The following BBS9 variants were observed in gnomAD, a reference collection of about 807,000 sequenced individuals.
BBS9 encodes the protein Bardet-Biedl syndrome 9.
A neutral mutation model predicts 117.7 loss-of-function variants in BBS9; 89 were observed. That is an observed-to-expected ratio of 0.76 (90% confidence interval 0.64 to 0.90). The LOEUF (loss-of-function observed/expected upper bound fraction) is 0.90, where lower values mean the gene tolerates loss of function less well. Ranked by LOEUF, BBS9 falls within the 40% of genes least tolerant of loss-of-function variation. BBS9 has a pLI of 0.00. For synonymous variants in BBS9, 379 were observed against 370.9 expected, an observed-to-expected ratio of 1.02 and a Z score of -0.25; for missense variants, 982 against 1,042.2, an observed-to-expected ratio of 0.94 and a Z score of 0.80.
At chr7:33,542,988 T>A (rs943948501) in intron 21 of BBS9, among the ~76,000 whole-genome samples, 15 of 152,140 alleles carry the variant, frequency 9.9e-5, no homozygotes, top group Non-Finnish European at 1.3e-4. Context: ...GTAGTGGGAT[T>A]GCTGGATCAA....
chr7:33,423,754 T>G (rs1372442196), intron 19 of BBS9, among the ~76,000 whole-genome samples: 1 of 152,176 alleles, frequency 6.6e-6, no homozygotes. Context: ...AAGTCTTCTT[T>G]CAGTATGTTA....
chr7:33,149,019 A>G lies in BBS9; in HGVS notation c.112+2655A>G, dbSNP rs190397415. Reference sequence around the variant, plus strand: ...AATGGTAATGAGATCTAGATTTGCAATGTATGAATGGGGAGTGAGTGGGAG... The same window carrying G: ...AATGGTAATGAGATCTAGATTTGCAGTGTATGAATGGGGAGTGAGTGGGAG... On this transcript the variant is annotated intron_variant, in intron 2 of 22. Coordinates refer to ENST00000242067, the MANE Select transcript of BBS9 (RefSeq NM_198428.3). Among the ~76,000 whole-genome samples the G allele has an allele frequency of 2.0e-3, 311 of 152,282 alleles. 1 individual carries two copies. The highest frequency in any genetic ancestry group is 1.7e-3 in the Non-Finnish European group (113 of 68,012).
rs868493073 is a variant in BBS9 at position 33,318,579 on chromosome 7, T to A, written c.1017-17862T>A. Among the ~76,000 whole-genome samples, 16 of 152,244 alleles carry A rather than the reference T, an allele frequency of 1.1e-4. No individual in the cohort carries two copies. In the East Asian group the frequency reaches 1.4e-3, roughly 13 times the overall value. On this transcript the variant is annotated intron_variant, in intron 9 of 22. Transcript: ENST00000242067. ...TTTTTAAATAAAAATTATTATTTTTTAAAAAATATTTTAATTTCCATAGGT... is the reference window on the plus strand; with the variant it reads ...TTTTTAAATAAAAATTATTATTTTTAAAAAAATATTTTAATTTCCATAGGT...
intron 21 of BBS9, among the ~76,000 whole-genome samples, chr7:33,619,309 C>T (rs1042168348): frequency 3.3e-5 from 5 of 151,894 alleles, no homozygotes; most frequent in East Asian, 1.9e-4. Flanking sequence ...GAAGGTATAA[C>T]GATTGTAAAT....
At chr7:33,366,581 G>A (rs1358096712) in intron 16 of BBS9, among the ~76,000 whole-genome samples, 1 of 108,108 alleles carries the variant, frequency 9.3e-6, no homozygotes, top group Non-Finnish European at 1.7e-5. Context: ...GTCTCACTCT[G>A]TTGCCCAGGC....
At chr7:33,612,580 C>A (rs1330064082) in intron 21 of BBS9, among the ~76,000 whole-genome samples, 1 of 151,916 alleles carries the variant, frequency 6.6e-6, no homozygotes, top group East Asian at 1.9e-4. Context: ...TCATTTGAGT[C>A]CCTCCCATCA....
At chr7:33,397,882 T>C (rs1828256773) in intron 19 of BBS9, among the ~76,000 whole-genome samples, 1 of 152,072 alleles carries the variant, frequency 6.6e-6, no homozygotes, top group Non-Finnish European at 1.5e-5. Context: ...GATTAATATC[T>C]AGGTGATGGA....
At chr7:33,470,108 A>G (rs1443647635) in intron 19 of BBS9, among the ~76,000 whole-genome samples, 1 of 152,166 alleles carries the variant, frequency 6.6e-6, no homozygotes, top group African/African-American at 2.4e-5. Flanking sequence ...GGAATTGAGG[A>G]CTTACTACAA....
At position 33,551,436 on chromosome 7, in the gene BBS9, AATAAG is replaced by A. The variant is rs371736899; in HGVS notation, c.2521+17267_2521+17271del. On this transcript the variant is annotated intron_variant, in intron 21 of 22. Transcript: ENST00000242067. ...GAAAGAGATGAATCTTCCCTTTCAA[AATAAG>A]ATAAGACACCAGATTGTGATCTTTT... Among the ~76,000 whole-genome samples the A allele has an allele frequency of 9.3e-3, 1,417 of 152,314 alleles. 25 individuals carry two copies. The highest frequency in any genetic ancestry group is 0.032 in the African/African-American group (1,337 of 41,570).
chr7:33,188,408 T>C (rs1249640149), intron 5 of BBS9, among the ~76,000 whole-genome samples: 1 of 152,202 alleles, frequency 6.6e-6, no homozygotes, highest in Non-Finnish European at 1.5e-5. Flanking sequence ...AAATTGACTT[T>C]TTAACTTATA....
At chr7:33,354,365 G>A (rs1012017543) in intron 15 of BBS9, among the ~76,000 whole-genome samples, 1 of 152,126 alleles carries the variant, frequency 6.6e-6, no homozygotes, top group African/African-American at 2.4e-5. Flanking sequence ...TGTGGAAAAA[G>A]AGAGGCAAAC....
intron 6 of BBS9, among the ~76,000 whole-genome samples, chr7:33,259,094 A>G (rs549207484): frequency 1.3e-5 from 2 of 152,352 alleles, no homozygotes; most frequent in Non-Finnish European, 1.5e-5. Context: ...TTAATAGATT[A>G]TATTAAATGA....
chr7:33,387,185 G>A (rs184683367), intron 18 of BBS9, among the ~76,000 whole-genome samples: 13 of 152,028 alleles, frequency 8.6e-5, no homozygotes, highest in Admixed American at 6.5e-4. Flanking sequence ...ATTTTGTAAT[G>A]GGTATCCTGA....
chr7:33,381,807 A>G lies in BBS9; in HGVS notation c.1790-1859A>G, dbSNP rs116256673. 4.0e-3 allele frequency among the ~76,000 whole-genome samples: 604 copies of G among 152,312 alleles called. 3 individuals carry two copies. Among genetic ancestry groups the G allele is most frequent in the African/African-American group, 0.013 (557 of 41,570 alleles). ...CAGCAGCAAAGACCAGTGTGTTTGC[A>G]TGGATTGTGACAGGCATACCCAGTA... On this transcript the variant is annotated intron_variant, in intron 17 of 22. Transcript: ENST00000242067.
chr7:33,306,712 C>G (rs760404684), intron 9 of BBS9, among the ~76,000 whole-genome samples: 10 of 152,034 alleles, frequency 6.6e-5, no homozygotes, highest in Non-Finnish European at 1.3e-4. Context: ...ATTGTTATTA[C>G]CTAGAATCCA....
chr7:33,628,291 A>T, intron 21 of BBS9, among the ~76,000 whole-genome samples: 1 of 152,206 alleles, frequency 6.6e-6, no homozygotes, highest in Non-Finnish European at 1.5e-5. Flanking sequence ...TACAGATGCA[A>T]AATATTGACT....
intron 21 of BBS9, among the ~76,000 whole-genome samples, chr7:33,548,107 A>G (rs1193376427): frequency 3.3e-5 from 5 of 152,216 alleles, no homozygotes; most frequent in Non-Finnish European, 7.3e-5. Context: ...TCTTGGAAGT[A>G]GGGTTGTTAA....
intron 4 of BBS9, among the ~76,000 whole-genome samples, chr7:33,164,303 C>T (rs1048486528): frequency 3.9e-5 from 6 of 152,044 alleles, no homozygotes; most frequent in Non-Finnish European, 8.8e-5. Flanking sequence ...AGAATGTATA[C>T]TCTGTTGATT....
intron 19 of BBS9, among the ~76,000 whole-genome samples, chr7:33,482,987 T>C (rs1383929410): frequency 6.6e-6 from 1 of 152,096 alleles, no homozygotes; most frequent in Non-Finnish European, 1.5e-5. Context: ...ATTTTAAGAG[T>C]GGATTAGTAA....
Sources: gnomAD v4.1 joint callset for allele counts (sites outside exome capture counted in the v4.1 genomes callset) on GRCh38, gnomAD v4.1.1 for gene constraint, MANE v1.5 for transcripts, NCBI Gene and HGNC (gene_info 2026-07-23, HGNC 2026-07-21) for gene names.